DAB1: variants seen among roughly 807,000 people sequenced by gnomAD.
DAB1 encodes the protein DAB adaptor protein 1, also known as disabled homolog 1.
Under a neutral mutation model 64.6 loss-of-function variants are expected in DAB1, and 15 were observed. The observed-to-expected ratio is 0.23, with a 90% CI of 0.16 to 0.36. The LOEUF (loss-of-function observed/expected upper bound fraction) is 0.36. Among genes scored for constraint, DAB1 ranks in the 10% least tolerant of loss-of-function variants. The pLI, the probability that DAB1 is intolerant of heterozygous loss-of-function variation, is 1.00. For synonymous variants in DAB1, 235 were observed against 251.9 expected, an observed-to-expected ratio of 0.93 and a Z score of 0.64; for missense variants, 596 against 706.7, an observed-to-expected ratio of 0.84 and a Z score of 1.78.
chr1:58,379,402 G>A (rs930106771), intron 3 of DAB1, among the ~76,000 whole-genome samples: 1 of 152,150 alleles, frequency 6.6e-6, no homozygotes, highest in Non-Finnish European at 1.5e-5. Flanking sequence ...GCACTCATTT[G>A]CTATACCCTC....
chr1:57,336,606 C>T (rs1161300096), intron 1 of DAB1, among the ~76,000 whole-genome samples: 1 of 152,158 alleles, frequency 6.6e-6, no homozygotes, highest in Non-Finnish European at 1.5e-5. Context: ...GTGCTTATCA[C>T]CGTTTCCTTT....
At chr1:57,456,245 C>T (rs1485251090) in intron 7 of DAB1, among the ~76,000 whole-genome samples, 1 of 152,040 alleles carries the variant, frequency 6.6e-6, no homozygotes, top group African/African-American at 2.4e-5. Flanking sequence ...TCAGTTTTTT[C>T]AACAGTTTTT....
At chr1:57,605,989 C>A in intron 7 of DAB1, 1 of 671,232 alleles carries the variant, frequency 1.5e-6, no homozygotes, top group Non-Finnish European at 2.8e-6. Context: ...TGTCTTAGAA[C>A]CTTCACCACA....
At chr1:57,333,167 G>A (rs1391233573) in intron 1 of DAB1, among the ~76,000 whole-genome samples, 1 of 152,166 alleles carries the variant, frequency 6.6e-6, no homozygotes, top group Non-Finnish European at 1.5e-5. Flanking sequence ...TTTATTGATT[G>A]ATTCTGGCTG....
intron 4 of DAB1, among the ~76,000 whole-genome samples, chr1:58,203,875 C>T (rs576631742): frequency 1.3e-5 from 2 of 152,270 alleles, no homozygotes; most frequent in South Asian, 4.2e-4. Context: ...AAGCCCAGAA[C>T]CTAACCCAAA....
intron 5 of DAB1, among the ~76,000 whole-genome samples, chr1:57,968,699 T>C (rs1645727455): frequency 6.6e-6 from 1 of 152,176 alleles, no homozygotes; most frequent in Non-Finnish European, 1.5e-5. Context: ...GAGAGATGGG[T>C]TAGAACATAG....
intron 5 of DAB1, among the ~76,000 whole-genome samples, chr1:58,146,829 C>T (rs910021007): frequency 6.6e-6 from 1 of 152,158 alleles, no homozygotes; most frequent in South Asian, 2.1e-4. Context: ...CTTTATCCAT[C>T]CATCCATCCA....
At chr1:58,056,870 G>A (rs1648148281) in intron 5 of DAB1, among the ~76,000 whole-genome samples, 2 of 151,900 alleles carry the variant, frequency 1.3e-5, no homozygotes, top group South Asian at 4.2e-4. Context: ...TTCTTCACAG[G>A]ACTTCCTAGT....
At chr1:58,492,916 T>C (rs997779943) in intron 3 of DAB1, among the ~76,000 whole-genome samples, 25 of 152,312 alleles carry the variant, frequency 1.6e-4, no homozygotes, top group Admixed American at 1.4e-3. Flanking sequence ...ACTCATTTTA[T>C]GAGGCCAGCA....
At chr1:57,699,864 G>T (rs565164482) in intron 6 of DAB1, among the ~76,000 whole-genome samples, 1 of 152,174 alleles carries the variant, frequency 6.6e-6, no homozygotes, top group South Asian at 2.1e-4. Context: ...AGTGAGCTGA[G>T]ATCACACCAC....
intron 4 of DAB1, 152 bp from the exon 5 acceptor site, chr1:57,072,566 G>T: frequency 1.4e-6 from 1 of 706,996 alleles, no homozygotes; most frequent in Non-Finnish European, 2.3e-6. Flanking sequence ...AGCTATGCCT[G>T]TCCTTGAGAA....
chr1:57,606,618 A>AATATATGAAATATATT (rs1306304161), intron 7 of DAB1, among the ~76,000 whole-genome samples: 19 of 119,008 alleles, frequency 1.6e-4, no homozygotes, highest in African/African-American at 3.4e-4. Flanking sequence ...TGAAATATAT[A>AATATATGAAATATATT]ATATATGAAA....
At chr1:58,110,998 T>G (rs1200467618) in intron 5 of DAB1, among the ~76,000 whole-genome samples, 1 of 152,194 alleles carries the variant, frequency 6.6e-6, no homozygotes, top group East Asian at 1.9e-4. Flanking sequence ...GGCCAGGGAA[T>G]TGTGCATCAC....
intron 1 of DAB1, among the ~76,000 whole-genome samples, chr1:57,308,086 T>C (rs72674834): frequency 0.057 from 8,638 of 152,282 alleles, 338 homozygotes; most frequent in Non-Finnish European, 0.084. Flanking sequence ...TTAAAAGTAT[T>C]CTTTAGAGAT....
At chr1:57,344,651 A>C (rs893748089) in intron 1 of DAB1, among the ~76,000 whole-genome samples, 2 of 151,964 alleles carry the variant, frequency 1.3e-5, no homozygotes, top group African/African-American at 4.8e-5. Context: ...TACGCAGTTC[A>C]TGATGGCACT....
intron 5 of DAB1, among the ~76,000 whole-genome samples, chr1:58,072,540 G>C (rs1312113474): frequency 3.9e-5 from 6 of 152,330 alleles, no homozygotes; most frequent in Non-Finnish European, 8.8e-5. Context: ...CAGAGTTGCT[G>C]TGAGAATTAT....
chr1:57,611,447 GTTA>G (rs1645725670), intron 7 of DAB1, among the ~76,000 whole-genome samples: 2 of 152,198 alleles, frequency 1.3e-5, no homozygotes. Flanking sequence ...AATCTGAATA[GTTA>G]TTATTGTAGT....
At chr1:58,112,625 T>C (rs940153265) in intron 5 of DAB1, among the ~76,000 whole-genome samples, 1 of 152,176 alleles carries the variant, frequency 6.6e-6, no homozygotes, top group East Asian at 1.9e-4. Context: ...ACATGGATGA[T>C]AGTTTGATTT....
chr1:57,446,859 TA>T (rs757721500), intron 7 of DAB1, among the ~76,000 whole-genome samples: 14 of 152,174 alleles, frequency 9.2e-5, no homozygotes, highest in Non-Finnish European at 1.9e-4. Flanking sequence ...GATTCTTAAT[TA>T]CTCACATCCT....
Sources: allele counts gnomAD v4.1 joint callset (sites outside exome capture counted in the v4.1 genomes callset), GRCh38; gene constraint gnomAD v4.1.1; transcripts MANE v1.5; gene names NCBI Gene and HGNC (gene_info 2026-07-23, HGNC 2026-07-21).